CAMTA1: variants seen among roughly 807,000 people sequenced by gnomAD.
CAMTA1 encodes calmodulin binding transcription activator 1.
Under a neutral mutation model 170.9 loss-of-function variants are expected in CAMTA1, and 27 were observed. The ratio of observed to expected loss-of-function variants is 0.16; its 90% confidence interval spans 0.12 to 0.22. The LOEUF (loss-of-function observed/expected upper bound fraction) is 0.22, where lower values mean the gene tolerates loss of function less well. Ranked by LOEUF, CAMTA1 falls within the 10% of genes least tolerant of loss-of-function variation. The pLI is 1.00. For synonymous variants in CAMTA1, 833 were observed against 891.5 expected (o/e 0.93, Z 1.17); for missense variants, 1,619 against 2,217.2 (o/e 0.73, Z 5.42).
intron 3 of CAMTA1, among the ~76,000 whole-genome samples, chr1:6,988,935 C>T (rs981769526): frequency 3.3e-5 from 5 of 152,306 alleles, no homozygotes; most frequent in African/African-American, 9.6e-5. Flanking sequence ...TGAGCCAATC[C>T]GAGGCAGAGA....
chr1:7,104,366 A>G (rs1342930736), intron 4 of CAMTA1, among the ~76,000 whole-genome samples: 1 of 83,728 alleles, frequency 1.2e-5, no homozygotes, highest in Non-Finnish European at 2.6e-5. Context: ...TACTCAATAC[A>G]CATACACACA....
chr1:6,813,788 C>G (rs953887300), intron 1 of CAMTA1, among the ~76,000 whole-genome samples: 1 of 152,072 alleles, frequency 6.6e-6, no homozygotes, highest in African/African-American at 2.4e-5. Context: ...CTTGTTCAGT[C>G]TCTTGCTTTT....
chr1:7,343,338 A>G lies in CAMTA1; in HGVS notation c.438+93712A>G, dbSNP rs149136794. Among the ~76,000 whole-genome samples, 730 of 152,212 alleles carry G rather than the reference A, an allele frequency of 4.8e-3. 6 individuals are homozygous for G. Among genetic ancestry groups the G allele is most frequent in the African/African-American group, 0.015 (643 of 41,528 alleles). ...CATGGCACACGGGTGATTGATGACA[A>G]CATCACTCTCCATCATTCAATTCGG... On this transcript the variant is annotated intron_variant, in intron 5 of 22. Coordinates refer to ENST00000303635, the MANE Select transcript of CAMTA1 (RefSeq NM_015215.4).
intron 3 of CAMTA1, among the ~76,000 whole-genome samples, chr1:6,836,762 C>T (rs1325450250): frequency 6.6e-6 from 1 of 152,062 alleles, no homozygotes; most frequent in Non-Finnish European, 1.5e-5. Flanking sequence ...GTGCAAGAAA[C>T]AAGGAAGCAG....
chr1:7,189,866 G>C (rs1382341958), intron 4 of CAMTA1, among the ~76,000 whole-genome samples: 1 of 152,240 alleles, frequency 6.6e-6, no homozygotes, highest in African/African-American at 2.4e-5. Flanking sequence ...ATGCAAAAAG[G>C]TGGAACCAAC....
chr1:7,508,807 G>A (rs1175680377), intron 6 of CAMTA1, among the ~76,000 whole-genome samples: 1 of 152,172 alleles, frequency 6.6e-6, no homozygotes, highest in Non-Finnish European at 1.5e-5. Context: ...GGCCCTGGAG[G>A]AGAGGGGCAT....
At chr1:7,538,281 A>C (rs2150088215) in intron 6 of CAMTA1, among the ~76,000 whole-genome samples, 1 of 152,314 alleles carries the variant, frequency 6.6e-6, no homozygotes, top group African/African-American at 2.4e-5. Context: ...AGTCAGTGCA[A>C]GCAGACATCA....
intron 6 of CAMTA1, among the ~76,000 whole-genome samples, chr1:7,602,560 G>A (rs2095455507): frequency 6.6e-6 from 1 of 152,022 alleles, no homozygotes; most frequent in Non-Finnish European, 1.5e-5. Flanking sequence ...TTCTGTATTA[G>A]TCTTGCTAGC....
chr1:7,003,126 C>G (rs1459716952), intron 3 of CAMTA1, among the ~76,000 whole-genome samples: 1 of 152,200 alleles, frequency 6.6e-6, no homozygotes, highest in African/African-American at 2.4e-5. Flanking sequence ...CACCAGATGC[C>G]AGGAGCACCC....
chr1:6,863,334 A>G (rs960786089), intron 3 of CAMTA1, among the ~76,000 whole-genome samples: 2 of 151,864 alleles, frequency 1.3e-5, no homozygotes, highest in African/African-American at 4.8e-5. Context: ...TCCCTCCCCA[A>G]CCCCTGTGAG....
chr1:7,553,054 G>C (rs2094824664), intron 6 of CAMTA1, among the ~76,000 whole-genome samples: 1 of 152,236 alleles, frequency 6.6e-6, no homozygotes, highest in African/African-American at 2.4e-5. Flanking sequence ...TAAAGACTGT[G>C]CTAAGATTGG....
chr1:7,233,801 G>T (rs534832926), intron 4 of CAMTA1, among the ~76,000 whole-genome samples: 2 of 152,066 alleles, frequency 1.3e-5, no homozygotes, highest in Non-Finnish European at 1.5e-5. Context: ...TCTGGAAGGC[G>T]CCTCTCCCCG....
intron 6 of CAMTA1, among the ~76,000 whole-genome samples, chr1:7,569,638 A>T (rs1410157588): frequency 6.6e-6 from 1 of 151,576 alleles, no homozygotes; most frequent in Non-Finnish European, 1.5e-5. Context: ...CATCATCATG[A>T]TCACTATCAC....
chr1:7,618,473 C>T (rs1198679631), intron 6 of CAMTA1, among the ~76,000 whole-genome samples: 1 of 152,224 alleles, frequency 6.6e-6, no homozygotes, highest in African/African-American at 2.4e-5. Flanking sequence ...CAGCTTTCTC[C>T]CTGGCTTGGG....
At chr1:7,439,209 G>A (rs2149397717) in intron 5 of CAMTA1, among the ~76,000 whole-genome samples, 1 of 152,278 alleles carries the variant, frequency 6.6e-6, no homozygotes. Flanking sequence ...GGTGGGACAG[G>A]CTCCCCATTT....
At chr1:7,135,819 T>G (rs1328090598) in intron 4 of CAMTA1, among the ~76,000 whole-genome samples, 1 of 152,182 alleles carries the variant, frequency 6.6e-6, no homozygotes, top group Non-Finnish European at 1.5e-5. Context: ...ACAGAGATCC[T>G]TTCAAAACCC....
chr1:7,597,674 G>A (rs1265610820), intron 6 of CAMTA1, among the ~76,000 whole-genome samples: 1 of 152,096 alleles, frequency 6.6e-6, no homozygotes, highest in African/African-American at 2.4e-5. Flanking sequence ...GTTGTAGGTC[G>A]AGTCTGAAAG....
chr1:7,215,259 G>GTTC (rs920145694), intron 4 of CAMTA1, among the ~76,000 whole-genome samples: 1 of 151,840 alleles, frequency 6.6e-6, no homozygotes, highest in Non-Finnish European at 1.5e-5. Context: ...TTTTGCTGTT[G>GTTC]TTCTTCTTCT....
chr1:7,243,028 C>T (rs1276899631), intron 4 of CAMTA1, among the ~76,000 whole-genome samples: 1 of 152,066 alleles, frequency 6.6e-6, no homozygotes, highest in African/African-American at 2.4e-5. Flanking sequence ...GAGATACCTC[C>T]TTGATTGTGT....
Sources: allele counts gnomAD v4.1 joint callset (sites outside exome capture counted in the v4.1 genomes callset), GRCh38; gene constraint gnomAD v4.1.1; transcripts MANE v1.5; gene names NCBI Gene and HGNC (gene_info 2026-07-23, HGNC 2026-07-21).